SULF2: variants seen among roughly 807,000 people sequenced by gnomAD.
The protein encoded by SULF2 is extracellular sulfatase Sulf-2.
SULF2 carries 52 observed loss-of-function variants against 107.7 expected under a neutral mutation model. That is an observed-to-expected ratio of 0.48 (90% confidence interval 0.39 to 0.61). The LOEUF is 0.61. SULF2 is among the 20% of genes least tolerant of loss of function. SULF2 has a pLI of 0.00. For synonymous variants in SULF2, 460 were observed against 464.3 expected (o/e 0.99, Z 0.12); for missense variants, 993 against 1,177.3 (o/e 0.84, Z 2.29).
chr20:47,750,279 C>T (rs1043398998), intron 2 of SULF2, among the ~76,000 whole-genome samples: 1 of 152,212 alleles, frequency 6.6e-6, no homozygotes, highest in African/African-American at 2.4e-5. Flanking sequence ...CGCACCCGGC[C>T]CACAGCTTCT....
intron 3 of SULF2, among the ~76,000 whole-genome samples, chr20:47,720,821 G>T (rs1200210226): frequency 6.6e-6 from 1 of 152,140 alleles, no homozygotes; most frequent in Non-Finnish European, 1.5e-5. Context: ...GCTTCCTGGG[G>T]CTCCCGGTCT....
chr20:47,757,799 C>A (rs2090329372), intron 1 of SULF2, among the ~76,000 whole-genome samples: 1 of 152,070 alleles, frequency 6.6e-6, no homozygotes, highest in Non-Finnish European at 1.5e-5. Context: ...ACAAATCGTC[C>A]CCAGGGAGAG....
rs1356790828 is a variant in SULF2 at position 47,757,392 on chromosome 20, T to G, written c.-29A>C. The G allele has an allele frequency of 7.7e-6, 12 of 1,549,534 alleles. No homozygotes were observed. Among genetic ancestry groups the G allele is most frequent in the Non-Finnish European group, 9.6e-6 (11 of 1,141,580 alleles). On this transcript the variant is annotated 5_prime_UTR_variant, in exon 2 of 21. Transcript: ENST00000688720. ...CTTTTTTTGCTGATCTGGTGCTTCT[T>G]TTGGGATGCGGGAGTCTCAAGTTGC...
Position 47,666,439 on chromosome 20 carries a change from G to T in SULF2, c.1626C>A (p.Ile542=). The stretch of plus-strand genomic sequence containing the variant: ...CGTGGTACACCCTGCCGTCCACCTC[G>T]ATGGCCACTGAGCGGATGGAGCGAC... ...VRSRSIRSVA[I]EVDGRVYHVG... The change falls in exon 12 of 21, where the codon ATC becomes ATA. Residue 542 remains isoleucine (I), a synonymous_variant. Transcript: ENST00000688720. The surrounding 1 kb of genome is among the most constrained non-coding windows in gnomAD (Gnocchi z 5.4). 6.2e-7 allele frequency: 1 copy of T among 1,613,780 alleles called. No homozygotes were observed. The highest frequency in any genetic ancestry group is 8.5e-7 in the Non-Finnish European group (1 of 1,180,026).
intron 3 of SULF2, among the ~76,000 whole-genome samples, chr20:47,733,609 CA>C (rs1255264262): frequency 6.6e-6 from 1 of 152,066 alleles, no homozygotes; most frequent in African/African-American, 2.4e-5. Flanking sequence ...CCCATCTCTA[CA>C]AAAAATACAA....
chr20:47,696,107 C>T (rs1050239945), intron 4 of SULF2, among the ~76,000 whole-genome samples: 45 of 152,174 alleles, frequency 3.0e-4, no homozygotes, highest in Non-Finnish European at 1.0e-4. Context: ...GGCCTGGGTT[C>T]GAATTCTGCT....
intron 3 of SULF2, among the ~76,000 whole-genome samples, chr20:47,703,547 C>T (rs1462016197): frequency 6.6e-6 from 1 of 152,202 alleles, no homozygotes; most frequent in East Asian, 1.9e-4. Context: ...CAACTTGAGC[C>T]CTCACACACT....
intron 1 of SULF2, among the ~76,000 whole-genome samples, chr20:47,776,534 C>T (rs1284868281): frequency 1.3e-5 from 2 of 152,158 alleles, no homozygotes; most frequent in African/African-American, 4.8e-5. Context: ...GTTAAAGAGG[C>T]TGCTCTCCTG....
intron 3 of SULF2, among the ~76,000 whole-genome samples, chr20:47,717,940 G>C (rs747506146): frequency 6.6e-6 from 1 of 151,330 alleles, no homozygotes; most frequent in Admixed American, 6.6e-5. Flanking sequence ...TCAGCCTCCC[G>C]AGTAGCTGGG....
intron 1 of SULF2, 29 bp from the exon 2 acceptor site, chr20:47,757,492 ATTTAT>A: frequency 1.8e-6 from 2 of 1,114,524 alleles, no homozygotes; most frequent in South Asian, 3.4e-5. Flanking sequence ...TCAGGTCAAT[ATTTAT>A]GTCAAGGCTG....
At chr20:47,673,047 G>A (rs2087528913) in intron 10 of SULF2, among the ~76,000 whole-genome samples, 1 of 152,176 alleles carries the variant, frequency 6.6e-6, no homozygotes, top group South Asian at 2.1e-4. Flanking sequence ...CTCAACTCCA[G>A]GCCTGTGGTC....
chr20:47,767,184 A>G (rs1190238555), intron 1 of SULF2, among the ~76,000 whole-genome samples: 1 of 152,206 alleles, frequency 6.6e-6, no homozygotes, highest in Non-Finnish European at 1.5e-5. Context: ...TTCATCTGGA[A>G]AGTGAGGACA....
In SULF2 at chr20:47,736,746, G is replaced by A; in HGVS notation, c.372C>T (p.Ser124=). Residue 124 remains serine (S), a synonymous_variant, in exon 3 of 21, where the codon AGC becomes AGT. Coordinates refer to ENST00000688720, the MANE Select transcript of SULF2 (RefSeq NM_001387048.1). ...TATTGAGGTACACGGCAAAGGTGCG[G>A]CTCTCGTGCTGTGCCTGCCAGGAGG... ...SSPSWQAQHE[S]RTFAVYLNST... 6.2e-7 allele frequency: 1 copy of A among 1,614,226 alleles called. No homozygotes were observed. Among genetic ancestry groups the A allele is most frequent in the Non-Finnish European group, 8.5e-7 (1 of 1,180,040 alleles).
intron 4 of SULF2, among the ~76,000 whole-genome samples, chr20:47,701,532 C>T (rs140037586): frequency 2.1e-4 from 32 of 152,284 alleles, no homozygotes; most frequent in Admixed American, 1.9e-3. Context: ...CCACTCACTC[C>T]GAACATGCAC....
chr20:47,702,445 A>T (rs1347614414), intron 4 of SULF2, 74 bp downstream of exon 4: 1 of 1,537,382 alleles, frequency 6.5e-7, no homozygotes, highest in Non-Finnish European at 8.8e-7. Flanking sequence ...GAACCCAAGT[A>T]GTCTGGCTCC....
At chr20:47,658,507 T>G in intron 20 of SULF2, 115 bp from the exon 21 acceptor site, 1 of 1,166,846 alleles carries the variant, frequency 8.6e-7, no homozygotes, top group Non-Finnish European at 1.3e-6. Context: ...GAATGAATAT[T>G]TCTAGGTTAC....
chr20:47,734,464 T>C (rs1479464768), intron 3 of SULF2, among the ~76,000 whole-genome samples: 1 of 152,258 alleles, frequency 6.6e-6, no homozygotes, highest in Non-Finnish European at 1.5e-5. Flanking sequence ...TCATTTTTCT[T>C]AGTCAACACT....
At chr20:47,765,976 G>C (rs2090520764) in intron 1 of SULF2, among the ~76,000 whole-genome samples, 1 of 152,226 alleles carries the variant, frequency 6.6e-6, no homozygotes, top group African/African-American at 2.4e-5. Context: ...AGCCTAACAG[G>C]AGCAAAGTTC....
chr20:47,734,540 A>T (rs1275929055), intron 3 of SULF2, among the ~76,000 whole-genome samples: 1 of 152,256 alleles, frequency 6.6e-6, no homozygotes, highest in African/African-American at 2.4e-5. Context: ...ACAACTCAAT[A>T]TAAAACTCAA....
Sources: gnomAD v4.1 joint callset for allele counts (sites outside exome capture counted in the v4.1 genomes callset) on GRCh38, gnomAD v4.1.1 for gene constraint, Gnocchi (gnomAD v3.1) non-coding constraint, MANE v1.5 for transcripts, NCBI Gene and HGNC (gene_info 2026-07-23, HGNC 2026-07-21) for gene names.